The following PACRG variants were observed in gnomAD, a reference collection of about 807,000 sequenced individuals.
The protein encoded by PACRG is parkin coregulated gene protein.
In PACRG, 29 loss-of-function variants were observed where a neutral mutation model predicts 29.7. That is an observed-to-expected ratio of 0.98 (90% CI 0.73 to 1.33). The LOEUF is 1.33. PACRG is among the 40% of genes most tolerant of loss of function. PACRG has a pLI of 0.00. For synonymous variants in PACRG, 116 were observed against 118.7 expected (o/e 0.98, Z 0.15); for missense variants, 279 against 316.2 (o/e 0.88, Z 0.89).
intron 2 of PACRG, among the ~76,000 whole-genome samples, chr6:163,033,664 C>A (rs2128230043): frequency 6.6e-6 from 1 of 152,264 alleles, no homozygotes; most frequent in Non-Finnish European, 1.5e-5. Context: ...CATATAAATA[C>A]ATAGAAAGAT....
chr6:162,973,837 G>A (rs76865930), intron 2 of PACRG, among the ~76,000 whole-genome samples: 1 of 152,122 alleles, frequency 6.6e-6, no homozygotes, highest in Non-Finnish European at 1.5e-5. Flanking sequence ...AAATAACTAT[G>A]GGGGTCCTAT....
intron 4 of PACRG, among the ~76,000 whole-genome samples, chr6:163,123,639 T>C (rs1215724861): frequency 1.3e-5 from 2 of 152,212 alleles, no homozygotes; most frequent in South Asian, 4.1e-4. Flanking sequence ...GATAATCCAT[T>C]GAACAGCAAC....
At chr6:162,998,784 ATATGT>A (rs1804317484) in intron 2 of PACRG, among the ~76,000 whole-genome samples, 1 of 152,208 alleles carries the variant, frequency 6.6e-6, no homozygotes, top group African/African-American at 2.4e-5. Flanking sequence ...TTTCCATCCT[ATATGT>A]TATATGATAC....
intron 2 of PACRG, among the ~76,000 whole-genome samples, chr6:163,048,217 G>T (rs180850205): frequency 6.6e-6 from 1 of 151,868 alleles, no homozygotes; most frequent in East Asian, 1.9e-4. Flanking sequence ...CCAGCGTAGG[G>T]TTGAATAAAA....
At chr6:163,300,342 C>T (rs16894736) in intron 4 of PACRG, among the ~76,000 whole-genome samples, 4,893 of 152,294 alleles carry the variant, frequency 0.032, 102 homozygotes, top group Middle Eastern at 0.068. Context: ...AGGACCATGG[C>T]GCTGAAGAGT....
At chr6:162,980,868 A>G (rs569187522) in intron 2 of PACRG, among the ~76,000 whole-genome samples, 1 of 152,278 alleles carries the variant, frequency 6.6e-6, no homozygotes, top group East Asian at 1.9e-4. Flanking sequence ...AACAGGAAGC[A>G]GGAATGGGAG....
intron 2 of PACRG, among the ~76,000 whole-genome samples, chr6:162,937,521 A>G (rs114865819): frequency 1.3e-5 from 2 of 152,180 alleles, no homozygotes; most frequent in East Asian, 3.9e-4. Flanking sequence ...GCATCTTCAC[A>G]TCTATGTCTC....
chr6:162,837,828 G>T (rs556259939), intron 2 of PACRG, among the ~76,000 whole-genome samples: 4 of 152,086 alleles, frequency 2.6e-5, no homozygotes, highest in Non-Finnish European at 5.9e-5. Context: ...GTCATCAAAG[G>T]CATCTGGAAA....
chr6:163,258,386 T>G (rs1356637623), intron 4 of PACRG, among the ~76,000 whole-genome samples: 2 of 152,152 alleles, frequency 1.3e-5, no homozygotes, highest in African/African-American at 4.8e-5. Context: ...AAGCAAGATT[T>G]CAGGGTGTTA....
intron 2 of PACRG, among the ~76,000 whole-genome samples, chr6:162,833,835 C>A (rs936567666): frequency 2.0e-5 from 3 of 151,938 alleles, no homozygotes; most frequent in Admixed American, 6.6e-5. Context: ...AATCTTATTT[C>A]TTTTCTTTCC....
chr6:162,852,330 C>G (rs1790988158), intron 2 of PACRG, among the ~76,000 whole-genome samples: 1 of 152,198 alleles, frequency 6.6e-6, no homozygotes, highest in African/African-American at 2.4e-5. Context: ...CTTTCTCAGA[C>G]AACTCCCAGA....
chr6:163,067,132 T>TGA (rs1239931401), intron 3 of PACRG, among the ~76,000 whole-genome samples: 1 of 152,170 alleles, frequency 6.6e-6, no homozygotes, highest in Non-Finnish European at 1.5e-5. Flanking sequence ...GTGAACAGCC[T>TGA]TCCTGCTGTA....
chr6:163,090,829 A>G (rs1814042612), intron 4 of PACRG, among the ~76,000 whole-genome samples: 1 of 152,254 alleles, frequency 6.6e-6, no homozygotes, highest in South Asian at 2.1e-4. Context: ...TGGAAGCATC[A>G]GGGAACAGCC....
chr6:162,791,219 G>C lies in PACRG; in HGVS notation c.157-22928G>C, dbSNP rs181296261. On this transcript the variant is annotated intron_variant, in intron 1 of 4. Transcript: ENST00000366888. Reference sequence around the variant, plus strand: ...GATACTTAACTTAGATTGTATATGTGCTTGCAAGGATTGGAAGCCAAGCTG... The same window carrying C: ...GATACTTAACTTAGATTGTATATGTCCTTGCAAGGATTGGAAGCCAAGCTG... Among the ~76,000 whole-genome samples, 44 of 151,708 alleles carry C rather than the reference G, an allele frequency of 2.9e-4. No homozygotes were observed. In the East Asian group the frequency reaches 8.2e-3, roughly 28 times the overall value.
chr6:163,166,177 G>C (rs1204494602), intron 4 of PACRG: 5 of 456,146 alleles, frequency 1.1e-5, no homozygotes, highest in Non-Finnish European at 2.2e-5. Context: ...TTTTGTGCTC[G>C]TTTCCTCTGC....
chr6:163,109,639 C>T (rs1191109781), intron 4 of PACRG, among the ~76,000 whole-genome samples: 2 of 152,154 alleles, frequency 1.3e-5, no homozygotes, highest in Non-Finnish European at 2.9e-5. Flanking sequence ...TTCCTAAGCA[C>T]CTCCTCCCCT....
chr6:163,130,232 CT>C (rs1391471919), intron 4 of PACRG, among the ~76,000 whole-genome samples: 1 of 152,176 alleles, frequency 6.6e-6, no homozygotes, highest in Admixed American at 6.5e-5. Context: ...CACTGAGCAC[CT>C]TTGGGGGTGG....
intron 1 of PACRG, among the ~76,000 whole-genome samples, chr6:162,806,113 C>CT (rs553734264): frequency 0.022 from 3,149 of 143,904 alleles, 102 homozygotes; most frequent in African/African-American, 0.07. Context: ...TCTTTCTTTC[C>CT]TTTTTTTTTT....
intron 2 of PACRG, among the ~76,000 whole-genome samples, chr6:162,870,116 G>A (rs966184449): frequency 2.6e-5 from 4 of 152,186 alleles, no homozygotes; most frequent in Non-Finnish European, 2.9e-5. Context: ...GTTTGGTACC[G>A]TGGAAATCCA....
Sources: gnomAD v4.1 joint callset for allele counts (sites outside exome capture counted in the v4.1 genomes callset) on GRCh38, gnomAD v4.1.1 for gene constraint, MANE v1.5 for transcripts, NCBI Gene and HGNC (gene_info 2026-07-23, HGNC 2026-07-21) for gene names.